The following PGLYRP4 variants were observed in gnomAD, a reference collection of about 807,000 sequenced individuals.
PGLYRP4 encodes PGRP-I-beta.
Under a neutral mutation model 41.2 loss-of-function variants are expected in PGLYRP4, and 39 were observed. That is an observed-to-expected ratio of 0.95 (90% CI 0.73 to 1.24). The LOEUF (loss-of-function observed/expected upper bound fraction) is 1.24. Among genes scored for constraint, PGLYRP4 ranks in the 50% most tolerant of loss-of-function variants. The pLI, the probability that PGLYRP4 is intolerant of heterozygous loss-of-function variation, is 0.00. For missense variants in PGLYRP4, 467 were observed against 460.7 expected, an observed-to-expected ratio of 1.01 and a Z score of -0.13; for synonymous variants, 202 against 186.8, an observed-to-expected ratio of 1.08 and a Z score of -0.66.
At chr1:153,333,906 T>C (rs756811967) in intron 8 of PGLYRP4, among the ~76,000 whole-genome samples, 3 of 152,170 alleles carry the variant, frequency 2.0e-5, no homozygotes, top group Middle Eastern at 6.8e-3. Context: ...CAAAAGAACA[T>C]ACCTCAGAAT....
chr1:153,336,629 A>G (rs1571129766), intron 8 of PGLYRP4, among the ~76,000 whole-genome samples: 1 of 152,312 alleles, frequency 6.6e-6, no homozygotes, highest in Admixed American at 6.5e-5. Context: ...TTTAATGGGT[A>G]CCATGTACAC....
rs754711125 is a variant in PGLYRP4 at position 153,347,880 on chromosome 1, T to C, written c.49+4A>G. 6.2e-7 allele frequency: 1 copy of C among 1,611,622 alleles called. No homozygotes were observed. The highest frequency in any genetic ancestry group is 1.1e-5 in the South Asian group (1 of 90,956). On this transcript the variant is annotated splice_donor_region_variant and intron_variant, in intron 2 of 8. Coordinates refer to ENST00000359650, the MANE Select transcript of PGLYRP4 (RefSeq NM_020393.4). ...GCTTTTTGGCCCAGGGAAAGAAAAC[T>C]TACCCCAGGCCTGGATACCCAGAGC... is the stretch of plus-strand genomic sequence containing the variant.
intron 7 of PGLYRP4, among the ~76,000 whole-genome samples, chr1:153,340,018 T>G (rs1302822800): frequency 6.6e-6 from 1 of 152,148 alleles, no homozygotes; most frequent in East Asian, 1.9e-4. Context: ...AGCCTCTGAG[T>G]AGGAGGCGGT....
chr1:153,342,780 G>A (rs989883277), intron 5 of PGLYRP4, among the ~76,000 whole-genome samples: 3 of 152,212 alleles, frequency 2.0e-5, no homozygotes, highest in East Asian at 1.9e-4. Context: ...CATTGACATA[G>A]AGGAGAGAGC....
Position 153,341,762 on chromosome 1 carries a change from C to T in PGLYRP4, c.490G>A (p.Ala164Thr). 6.2e-7 allele frequency: 1 copy of T among 1,613,774 alleles called. No homozygotes were observed. The highest frequency in any genetic ancestry group is 8.5e-7 in the Non-Finnish European group (1 of 1,179,956). ...GTKKGHSPSP[A>T]ALSAMENLIT... is the part of the protein sequence containing the mutation. ...AGGTTTTCCATGGCCGACAGGGCAG[C>T]AGGGCTGGGACTGTGGCCTAGAAGA... Residue 164 changes from alanine to threonine, a missense_variant, in exon 6 of 9, where the codon GCT (alanine) becomes ACT (threonine). Physicochemically the swap from Ala to Thr is moderately conservative, Grantham distance 58. Transcript: ENST00000359650.
chr1:153,337,094 C>A (rs188352650), intron 8 of PGLYRP4, 87 bp downstream of exon 8: 1 of 1,003,548 alleles, frequency 1.0e-6, no homozygotes, highest in African/African-American at 1.6e-5. Context: ...ACTAAAATGA[C>A]GCTTGAGACT....
Position 153,333,195 on chromosome 1 carries a change from GATA to G in PGLYRP4, c.944-2253_944-2251del, listed in dbSNP as rs1396904059. ...AGCTAGATTAACCAAGAAAAAAAGA[GATA>G]ATATTAGAACACCCACAATCAGAAA... On this transcript the variant is annotated intron_variant, in intron 8 of 8. Coordinates refer to ENST00000359650, the MANE Select transcript of PGLYRP4 (RefSeq NM_020393.4). 4.6e-5 allele frequency among the ~76,000 whole-genome samples: 7 copies of G among 151,988 alleles called. No homozygotes were observed. In the East Asian group the frequency reaches 1.3e-3, roughly 29 times the overall value.
At chr1:153,331,337 G>A (rs1464019892) in intron 8 of PGLYRP4, among the ~76,000 whole-genome samples, 1 of 152,168 alleles carries the variant, frequency 6.6e-6, no homozygotes, top group Non-Finnish European at 1.5e-5. Context: ...AACATCCTAG[G>A]ACGGGACAGC....
chr1:153,346,375 T>A (rs2101580080), intron 2 of PGLYRP4, among the ~76,000 whole-genome samples, 184 bp from the exon 3 acceptor site: 1 of 152,172 alleles, frequency 6.6e-6, no homozygotes, highest in Middle Eastern at 3.4e-3. Flanking sequence ...GCAGGTGGCA[T>A]AACTTCCTTC....
intron 8 of PGLYRP4, among the ~76,000 whole-genome samples, chr1:153,333,950 A>G (rs1054819678): frequency 6.6e-6 from 1 of 152,202 alleles, no homozygotes; most frequent in East Asian, 1.9e-4. Context: ...CACAATCAAC[A>G]TCATACTGAA....
chr1:153,334,600 A>G (rs1557823306), intron 8 of PGLYRP4, among the ~76,000 whole-genome samples: 1 of 151,606 alleles, frequency 6.6e-6, no homozygotes, highest in African/African-American at 2.4e-5. Flanking sequence ...GATTTGAAGG[A>G]TCAGTGTCAT....
chr1:153,341,809 C>A, intron 5 of PGLYRP4, 30 bp from the exon 6 acceptor site: 1 of 1,596,520 alleles, frequency 6.3e-7, no homozygotes, highest in Non-Finnish European at 8.5e-7. Flanking sequence ...GGGAAACCTC[C>A]ACCCAGCCTG....
intron 4 of PGLYRP4, among the ~76,000 whole-genome samples, chr1:153,343,624 G>A (rs11205273): frequency 0.092 from 13,918 of 152,076 alleles, 968 homozygotes; most frequent in African/African-American, 0.2. Context: ...TCCCTGTCAC[G>A]TAACTGTCCT....
chr1:153,343,384 A>G (rs1221647407), intron 4 of PGLYRP4, among the ~76,000 whole-genome samples, 176 bp from the exon 5 acceptor site: 1 of 152,202 alleles, frequency 6.6e-6, no homozygotes, highest in Non-Finnish European at 1.5e-5. Context: ...AGTCCTTAGA[A>G]TTCAGAAGGA....
intron 6 of PGLYRP4, 28 bp from the exon 7 acceptor site, chr1:153,340,607 G>C: frequency 6.2e-7 from 1 of 1,606,178 alleles, no homozygotes; most frequent in Non-Finnish European, 8.5e-7. Context: ...ACCACAGAGG[G>C]TTCATCTTCC....
intron 4 of PGLYRP4, chr1:153,344,919 T>G: frequency 2.2e-6 from 1 of 463,946 alleles, no homozygotes; most frequent in East Asian, 3.9e-5. Flanking sequence ...CAAGCCAGGG[T>G]TGGGGGAGGG....
rs145454503 is a variant in PGLYRP4 at position 153,347,774 on chromosome 1, G to A, written c.49+110C>T. On this transcript the variant is annotated intron_variant, in intron 2 of 8. Coordinates refer to ENST00000359650, the MANE Select transcript of PGLYRP4 (RefSeq NM_020393.4). ...AGTGGTGGGATCTCGGCTCACTGCA[G>A]CCTTGAACTCCTCAGGCTCAGATGG... is the stretch of plus-strand genomic sequence containing the variant. 301 of 797,308 alleles carry A rather than the reference G, an allele frequency of 3.8e-4. No homozygotes were observed. The African/African-American group carries it at 4.7e-3, about 12-fold the overall frequency. 49.4% of individuals were successfully genotyped at this position (797,308 alleles called of 1,614,324 possible).
At chr1:153,341,508 C>T in intron 6 of PGLYRP4, 119 bp downstream of exon 6, 2 of 913,348 alleles carry the variant, frequency 2.2e-6, no homozygotes, top group Non-Finnish European at 1.6e-6. Context: ...GTTGGGTGGC[C>T]AGTTGCCTTC....
chr1:153,343,203 A>T lies in PGLYRP4; in HGVS notation c.359T>A (p.Leu120Gln). The stretch of plus-strand genomic sequence containing the variant: ...ATACACCCTGCCATCATCCCCAACC[A>T]GGAAGCTATGGAGCAAGATAATACA... ...NSGCDVAYNFLVGDDGRVYEG... is the reference protein window; with the variant it reads ...NSGCDVAYNFQVGDDGRVYEG... Residue 120 changes from leucine (L) to glutamine (Q), a missense_variant, in exon 5 of 9, where the codon CTG (leucine) becomes CAG (glutamine). Transcript: ENST00000359650. 8.1e-6 allele frequency: 13 copies of T among 1,609,398 alleles called. No homozygotes were observed. The highest frequency in any genetic ancestry group is 1.0e-5 in the Non-Finnish European group (12 of 1,175,742).
Sources: allele counts gnomAD v4.1 joint callset (sites outside exome capture counted in the v4.1 genomes callset), GRCh38; gene constraint gnomAD v4.1.1; transcripts MANE v1.5; gene names NCBI Gene and HGNC (gene_info 2026-07-23, HGNC 2026-07-21).